Variants in CLSTN3 observed in about 807,000 individuals in gnomAD.
CLSTN3 encodes the protein calsyntenin 3.
CLSTN3 carries 36 observed loss-of-function variants against 95.9 expected under a neutral mutation model. That is an observed-to-expected ratio of 0.38 (90% confidence interval 0.29 to 0.50). The LOEUF (loss-of-function observed/expected upper bound fraction) is 0.50, where lower values mean the gene tolerates loss of function less well. Among genes scored for constraint, CLSTN3 ranks in the 20% least tolerant of loss-of-function variants. The pLI, the probability that CLSTN3 is intolerant of heterozygous loss-of-function variation, is 0.95. For missense variants in CLSTN3, 1,084 were observed against 1,268.8 expected (o/e 0.85, Z 2.21); for synonymous variants, 481 against 504.0 (o/e 0.95, Z 0.61).
intron 8 of CLSTN3, 62 bp downstream of exon 8, chr12:7,138,129 C>A (rs779418176): frequency 2.3e-6 from 3 of 1,296,818 alleles, no homozygotes; most frequent in Non-Finnish European, 3.3e-6. Context: ...TAGGAAAGGA[C>A]CTTCTCTGGG....
At chr12:7,144,524 A>G (rs988359472) in intron 12 of CLSTN3, among the ~76,000 whole-genome samples, 1 of 152,184 alleles carries the variant, frequency 6.6e-6, no homozygotes, top group African/African-American at 2.4e-5. Flanking sequence ...CCTAGCAGAG[A>G]GTGGATGCCG....
At position 7,150,311 on chromosome 12, in the gene CLSTN3, T is replaced by C. The variant is rs760211790; in HGVS notation, c.2246-233T>C. Among the ~76,000 whole-genome samples the C allele has an allele frequency of 6.6e-6, 1 of 152,272 alleles. No homozygotes were observed. Among genetic ancestry groups the C allele is most frequent in the East Asian group, 1.9e-4 (1 of 5,176 alleles). The stretch of plus-strand genomic sequence containing the variant: ...TTTATCTCCTTCTTTCCATTCCTCC[T>C]CAGAACCTACAGAGCAGGAAATGGA... On this transcript the variant is annotated intron_variant, in intron 14 of 17. Coordinates refer to ENST00000266546, the MANE Select transcript of CLSTN3 (RefSeq NM_014718.4). This position sits in a 1 kb window ranked among gnomAD's most constrained non-coding sequence, Gnocchi z 4.0.
Position 7,150,513 on chromosome 12 carries a change from C to T in CLSTN3, c.2246-31C>T, listed in dbSNP as rs767590238. ...CCTGCCCAGGTCCTGCCTCCACTGG[C>T]CCCTGCCCTGAGGTGCTTCCTCATC... is the stretch of plus-strand genomic sequence containing the variant. On this transcript the variant is annotated intron_variant, in intron 14 of 17. Transcript: ENST00000266546. This position sits in a 1 kb window ranked among gnomAD's most constrained non-coding sequence, Gnocchi z 4.0. 2 of 1,595,140 alleles carry T rather than the reference C, an allele frequency of 1.3e-6. No individual in the cohort carries two copies. The highest frequency in any genetic ancestry group is 1.7e-5 in the Admixed American group (1 of 59,526).
rs1939866760 is a variant in CLSTN3, at chr12:7,158,772, T to C, written c.*691T>C. ...TATATAATGTATATTTTTTCAATGT[T>C]GTCGTGAGTGCAGCCCATGTTCCTG... On this transcript the variant is annotated 3_prime_UTR_variant, in exon 18 of 18. Coordinates refer to ENST00000266546, the MANE Select transcript of CLSTN3 (RefSeq NM_014718.4). 1 of 149,146 alleles carries C rather than the reference T, an allele frequency of 6.7e-6. No homozygotes were observed. Among genetic ancestry groups the C allele is most frequent in the Admixed American group, 6.7e-5 (1 of 14,838 alleles). 9.2% of individuals were successfully genotyped at this position (149,146 alleles called of 1,614,324 possible).
In CLSTN3 at chr12:7,133,833, C is replaced by T; in HGVS notation, c.383+65C>T. On this transcript the variant is annotated intron_variant, in intron 3 of 17. Transcript: ENST00000266546. The surrounding 1 kb of genome is among the most constrained non-coding windows in gnomAD (Gnocchi z 4.7). Reference sequence around the variant, plus strand: ...TCCTCCTCCCTGCTCCCAAGCCCACCATCCTCTGTCCGTGCGGTCATCGAA... The same window carrying T: ...TCCTCCTCCCTGCTCCCAAGCCCACTATCCTCTGTCCGTGCGGTCATCGAA... The T allele has an allele frequency of 7.4e-7, 1 of 1,353,552 alleles. No individual in the cohort carries two copies. Among genetic ancestry groups the T allele is most frequent in the Admixed American group, 2.3e-5 (1 of 42,776 alleles). The allele number at this position is 1,353,552 out of a possible 1,614,324, so 83.8% of individuals were successfully genotyped here.
At chr12:7,130,308 C>T (rs1162175001), upstream of CLSTN3, 2 of 920,090 alleles carry the variant, frequency 2.2e-6, no homozygotes, top group African/African-American at 2.0e-5. Flanking sequence ...CCTGGTCCCC[C>T]CCCCTCCCAG....
rs113575220 is a variant in CLSTN3, at chr12:7,154,915, C to T, written c.2528-2574C>T. 3.3e-3 allele frequency among the ~76,000 whole-genome samples: 498 copies of T among 152,326 alleles called. 5 individuals are homozygous for T. Among genetic ancestry groups the T allele is most frequent in the African/African-American group, 0.011 (460 of 41,572 alleles). ...ATGAGATGCTATGCAGTTGCTACCA[C>T]GGGCCAGAATTTTGACCCTGAGCTT... is the stretch of plus-strand genomic sequence containing the variant. On this transcript the variant is annotated intron_variant, in intron 16 of 17. Coordinates refer to ENST00000266546, the MANE Select transcript of CLSTN3 (RefSeq NM_014718.4).
At position 7,149,344 on chromosome 12, in the gene CLSTN3, C is replaced by A; in HGVS notation, c.2074+146C>A. Reference sequence around the variant, plus strand: ...AACAACTTACCTTTAAGAAGGAGAGCAAGTGGAAAACACGTGGGTGGAAAT... The same window carrying A: ...AACAACTTACCTTTAAGAAGGAGAGAAAGTGGAAAACACGTGGGTGGAAAT... On this transcript the variant is annotated intron_variant, in intron 13 of 17. Transcript: ENST00000266546. This position sits in a 1 kb window ranked among gnomAD's most constrained non-coding sequence, Gnocchi z 4.5. 1 of 926,762 alleles carries A rather than the reference C, an allele frequency of 1.1e-6. No individual in the cohort carries two copies. The highest frequency in any genetic ancestry group is 1.6e-6 in the Non-Finnish European group (1 of 610,336). 57.4% of individuals were successfully genotyped at this position (926,762 alleles called of 1,614,324 possible).
rs141936578 is a variant in CLSTN3 at position 7,133,640 on chromosome 12, G to A, written c.255G>A (p.Ala85=). The part of the protein sequence containing the change: ...VPFEAVILDK[A]TGEGLIRAKE... The stretch of plus-strand genomic sequence containing the variant: ...TTGAGGCTGTGATCCTTGACAAGGC[G>A]ACAGGAGAGGGGCTGATCCGGGCCA... Residue 85 remains alanine, a synonymous_variant, in exon 3 of 18, where the codon GCG becomes GCA. Coordinates refer to ENST00000266546, the MANE Select transcript of CLSTN3 (RefSeq NM_014718.4). The surrounding 1 kb of genome is among the most constrained non-coding windows in gnomAD (Gnocchi z 4.7). 1.7e-4 allele frequency: 267 copies of A among 1,613,986 alleles called. No individual in the cohort carries two copies. The highest frequency in any genetic ancestry group is 2.1e-4 in the Non-Finnish European group (242 of 1,180,010).
In CLSTN3 at chr12:7,141,380, C is replaced by T; in HGVS notation, c.1462C>T (p.Leu488Phe). 1 of 1,614,220 alleles carries T rather than the reference C, an allele frequency of 6.2e-7. No individual in the cohort carries two copies. Among genetic ancestry groups the T allele is most frequent in the East Asian group, 2.2e-5 (1 of 44,874 alleles). ...CCACCCACCCCGAAGGGAGCCTGCTCTCATGATTGGGGCCTGCTGGACTGG... is the reference window on the plus strand; with the variant it reads ...CCACCCACCCCGAAGGGAGCCTGCTTTCATGATTGGGGCCTGCTGGACTGG... ...LIHPPRREPA[L>F]MIGACWTEEK... Residue 488 changes from leucine (L) to phenylalanine (F), a missense_variant, in exon 9 of 18, where the codon CTC becomes TTC. Physicochemically the swap from Leu to Phe is conservative, Grantham distance 22. Transcript: ENST00000266546. The surrounding 1 kb of genome is among the most constrained non-coding windows in gnomAD (Gnocchi z 4.1).
At chr12:7,152,415 C>T (rs1174027119) in intron 16 of CLSTN3, among the ~76,000 whole-genome samples, 1 of 152,144 alleles carries the variant, frequency 6.6e-6, no homozygotes, top group Admixed American at 6.5e-5. Context: ...AACTTCATCA[C>T]CCAGTTTTGC....
intron 1 of CLSTN3, chr12:7,131,361 T>C: frequency 4.6e-6 from 1 of 217,328 alleles, no homozygotes; most frequent in South Asian, 6.8e-5. Flanking sequence ...CTCAGGTAGG[T>C]GGAAACGGAT....
At position 7,137,602 on chromosome 12, in the gene CLSTN3, C is replaced by A. The variant is rs1447012585; in HGVS notation, c.1211-353C>A. 6.6e-6 allele frequency among the ~76,000 whole-genome samples: 1 copy of A among 152,122 alleles called. No individual in the cohort carries two copies. The highest frequency in any genetic ancestry group is 2.4e-5 in the African/African-American group (1 of 41,410). On this transcript the variant is annotated intron_variant, in intron 7 of 17. Transcript: ENST00000266546. The surrounding 1 kb of genome is among the most constrained non-coding windows in gnomAD (Gnocchi z 4.4). ...AATTCTCCAACCTCATTTCTCTTGA[C>A]CTTGACAACTCTTTTGAAAAGGGTT... is the stretch of plus-strand genomic sequence containing the variant.
chr12:7,134,297 C>T (rs1939363772), intron 3 of CLSTN3, among the ~76,000 whole-genome samples: 1 of 152,206 alleles, frequency 6.6e-6, no homozygotes, highest in East Asian at 1.9e-4. Context: ...ACATATAGCT[C>T]TAGGTGAGGG....
chr12:7,133,592 G>A lies in CLSTN3; in HGVS notation c.207G>A (p.Arg69=), dbSNP rs1175458899. 6.2e-7 allele frequency: 1 copy of A among 1,613,938 alleles called. No individual in the cohort carries two copies. Among genetic ancestry groups the A allele is most frequent in the African/African-American group, 1.3e-5 (1 of 74,894 alleles). ...LRYAGEICGF[R]LHGSGVPFEA... ...TGCCAGGTGAGATCTGCGGCTTCCG[G>A]CTCCATGGGTCTGGGGTGCCCTTTG... Residue 69 remains arginine, a synonymous_variant, in exon 3 of 18, where the codon CGG becomes CGA. Transcript: ENST00000266546. The surrounding 1 kb of genome is among the most constrained non-coding windows in gnomAD (Gnocchi z 4.7).
At chr12:7,152,113 G>A (rs757806269) in intron 16 of CLSTN3, among the ~76,000 whole-genome samples, 114 of 151,010 alleles carry the variant, frequency 7.5e-4, no homozygotes, top group African/African-American at 2.6e-3. Flanking sequence ...CCATAATTCC[G>A]TCAGAGAGGA....
At chr12:7,134,998 C>A (rs1422426200) in intron 3 of CLSTN3, among the ~76,000 whole-genome samples, 5 of 152,136 alleles carry the variant, frequency 3.3e-5, no homozygotes, top group Admixed American at 2.0e-4. Flanking sequence ...GATAGATGGG[C>A]AGGCTCCCTC....
chr12:7,129,707 TC>T, upstream of CLSTN3: 1 of 985,548 alleles, frequency 1.0e-6, no homozygotes, highest in African/African-American at 1.7e-5. The surrounding 1 kb of genome is among the most constrained non-coding windows in gnomAD (Gnocchi z 5.5). Flanking sequence ...CAATTCTCTC[TC>T]GAACCTGCCA....
At position 7,137,061 on chromosome 12, in the gene CLSTN3, C is replaced by T. The variant is rs200951848; in HGVS notation, c.1161C>T (p.Asn387=). The T allele has an allele frequency of 6.2e-7, 1 of 1,614,004 alleles. No homozygotes were observed. Among genetic ancestry groups the T allele is most frequent in the Non-Finnish European group, 8.5e-7 (1 of 1,180,022 alleles). Residue 387 remains asparagine, a synonymous_variant, in exon 7 of 18, where the codon AAC becomes AAT. Coordinates refer to ENST00000266546, the MANE Select transcript of CLSTN3 (RefSeq NM_014718.4). The surrounding 1 kb of genome is among the most constrained non-coding windows in gnomAD (Gnocchi z 4.4). ...SFWMKHGVTP[N]KGKKEEETIV... is the part of the protein sequence containing the mutation. ...GGATGAAGCATGGCGTAACTCCCAA[C>T]AAGGGCAAGAAGGAAGAGGAAACCA...
Sources: gnomAD v4.1 joint callset for allele counts (sites outside exome capture counted in the v4.1 genomes callset) on GRCh38, gnomAD v4.1.1 for gene constraint, Gnocchi (gnomAD v3.1) non-coding constraint, MANE v1.5 for transcripts, NCBI Gene and HGNC (gene_info 2026-07-23, HGNC 2026-07-21) for gene names.